DENND5B: variants seen among roughly 807,000 people sequenced by gnomAD.
DENND5B encodes the protein DENN domain-containing protein 5B.
Under a neutral mutation model 140.6 loss-of-function variants are expected in DENND5B, and 34 were observed. The observed-to-expected ratio is 0.24, with a 90% confidence interval of 0.18 to 0.32. The LOEUF (loss-of-function observed/expected upper bound fraction) is 0.32. DENND5B is among the 10% of genes least tolerant of loss of function. The pLI is 1.00. For synonymous variants in DENND5B, 551 were observed against 562.1 expected (o/e 0.98, Z 0.28); for missense variants, 1,142 against 1,560.2 (o/e 0.73, Z 4.52).
At chr12:31,460,829 G>A (rs1284228468) in intron 3 of DENND5B, among the ~76,000 whole-genome samples, 1 of 151,744 alleles carries the variant, frequency 6.6e-6, no homozygotes, top group African/African-American at 2.4e-5. Flanking sequence ...GGATTCAAGC[G>A]ATTCTCCTGC....
chr12:31,435,761 A>G (rs1943722578), intron 7 of DENND5B, among the ~76,000 whole-genome samples: 1 of 152,016 alleles, frequency 6.6e-6, no homozygotes, highest in East Asian at 1.9e-4. Flanking sequence ...CCTGGGTTCA[A>G]GTGATTCTCC....
chr12:31,397,439 T>C (rs952918742), intron 17 of DENND5B, among the ~76,000 whole-genome samples: 2 of 145,422 alleles, frequency 1.4e-5, no homozygotes, highest in Non-Finnish European at 3.0e-5. Context: ...TCCCAGCTAC[T>C]TGGGAGGCTG....
intron 1 of DENND5B, among the ~76,000 whole-genome samples, chr12:31,571,721 G>A (rs543562466): frequency 3.3e-5 from 5 of 152,146 alleles, no homozygotes; most frequent in South Asian, 2.1e-4. Flanking sequence ...GGGCTCAAGC[G>A]ATTCTCCTGC....
At chr12:31,531,918 CAG>C (rs780794397) in intron 1 of DENND5B, among the ~76,000 whole-genome samples, 1 of 152,110 alleles carries the variant, frequency 6.6e-6, no homozygotes, top group Non-Finnish European at 1.5e-5. Flanking sequence ...CCAGACCTTA[CAG>C]AGAATTACTT....
intron 1 of DENND5B, among the ~76,000 whole-genome samples, chr12:31,522,663 C>T (rs1565661506): frequency 6.6e-6 from 1 of 152,076 alleles, no homozygotes; most frequent in Admixed American, 6.6e-5. Context: ...CGGCTGGTCT[C>T]GTTACTTGTG....
Position 31,590,953 on chromosome 12 carries a change from A to T in DENND5B, c.-121T>A. 9.5e-7 allele frequency: 1 copy of T among 1,056,604 alleles called. No homozygotes were observed. Among genetic ancestry groups the T allele is most frequent in the Non-Finnish European group, 1.2e-6 (1 of 865,116 alleles). The allele number at this position is 1,056,604 out of a possible 1,614,324, so 65.5% of individuals were successfully genotyped here. A position where few individuals can be genotyped will look rare whatever the true frequency, so the allele number is the denominator to read the frequency against. On this transcript the variant is annotated 5_prime_UTR_variant, in exon 1 of 21. It removes an upstream start codon present in the reference 5' UTR. Transcript: ENST00000389082. The stretch of plus-strand genomic sequence containing the variant: ...GCCCTAGGGCGACACTGGCGCGCCC[A>T]TGGCCGCGCAGCCGCCTCTCGCCGC...
chr12:31,549,566 G>T (rs1948970214), intron 1 of DENND5B, among the ~76,000 whole-genome samples: 1 of 150,982 alleles, frequency 6.6e-6, no homozygotes, highest in African/African-American at 2.4e-5. Flanking sequence ...AAGTTCCAGG[G>T]TACAGGTGCA....
Position 31,424,937 on chromosome 12 carries a change from C to T in DENND5B, c.2239-250G>A, listed in dbSNP as rs1593130501. ...ATAAGATAATATTTGTAAGGCATCC[C>T]CATGTTGAAAAGATGCTTATATACA... On this transcript the variant is annotated intron_variant, in intron 9 of 20. Transcript: ENST00000389082. Among the ~76,000 whole-genome samples the T allele has an allele frequency of 2.6e-5, 4 of 152,210 alleles. No homozygotes were observed. The South Asian group carries it at 6.2e-4, about 24-fold the overall frequency.
At chr12:31,519,981 A>G (rs1231944237) in intron 1 of DENND5B, among the ~76,000 whole-genome samples, 1 of 152,112 alleles carries the variant, frequency 6.6e-6, no homozygotes, top group Non-Finnish European at 1.5e-5. Flanking sequence ...CCTGTTTGCT[A>G]GGTGTGTTTG....
At chr12:31,479,164 C>CCCTT (rs1232380027) in intron 3 of DENND5B, among the ~76,000 whole-genome samples, 1 of 152,182 alleles carries the variant, frequency 6.6e-6, no homozygotes, top group Non-Finnish European at 1.5e-5. Flanking sequence ...TTTCATTTAT[C>CCCTT]CCTTTTCAAT....
chr12:31,521,749 T>G (rs1415537702), intron 1 of DENND5B, among the ~76,000 whole-genome samples: 4 of 152,164 alleles, frequency 2.6e-5, no homozygotes, highest in Non-Finnish European at 4.4e-5. Context: ...CCTGTAATGC[T>G]AAGTTCCGTT....
At chr12:31,571,558 G>A (rs542135408) in intron 1 of DENND5B, among the ~76,000 whole-genome samples, 2 of 151,134 alleles carry the variant, frequency 1.3e-5, no homozygotes, top group African/African-American at 2.4e-5. Context: ...ACCTGAATTA[G>A]AAAACTCCAT....
intron 2 of DENND5B, among the ~76,000 whole-genome samples, chr12:31,492,711 T>C (rs1052688852): frequency 2.0e-5 from 3 of 152,258 alleles, no homozygotes; most frequent in East Asian, 1.9e-4. Flanking sequence ...TCTATTAATT[T>C]GCTGCATAAG....
At chr12:31,475,121 A>G (rs1233205298) in intron 3 of DENND5B, among the ~76,000 whole-genome samples, 3 of 152,160 alleles carry the variant, frequency 2.0e-5, no homozygotes, top group Non-Finnish European at 2.9e-5. Context: ...TCAACAAAAA[A>G]TGCACAACAG....
intron 15 of DENND5B, among the ~76,000 whole-genome samples, chr12:31,401,754 C>T (rs1188193721): frequency 1.3e-5 from 2 of 152,048 alleles, no homozygotes; most frequent in Non-Finnish European, 2.9e-5. Flanking sequence ...TTGCAAGTAC[C>T]CAGACTACAG....
At chr12:31,420,932 T>C (rs1942991599) in intron 11 of DENND5B, among the ~76,000 whole-genome samples, 2 of 152,206 alleles carry the variant, frequency 1.3e-5, no homozygotes, top group African/African-American at 4.8e-5. Context: ...TCTGCAACTC[T>C]TAAAATGTCT....
intron 1 of DENND5B, among the ~76,000 whole-genome samples, chr12:31,562,562 C>G (rs1365401848): frequency 6.6e-6 from 1 of 151,620 alleles, no homozygotes; most frequent in African/African-American, 2.4e-5. Context: ...TGCGGTGAGC[C>G]GAGATCGCAC....
intron 3 of DENND5B, among the ~76,000 whole-genome samples, chr12:31,461,787 G>T (rs2617192): frequency 6.6e-6 from 1 of 152,046 alleles, no homozygotes; most frequent in Non-Finnish European, 1.5e-5. Context: ...TTGTGGGCTT[G>T]TAATAATCCT....
At chr12:31,432,880 G>C (rs1331217020) in intron 8 of DENND5B, 1 of 344,002 alleles carries the variant, frequency 2.9e-6, no homozygotes, top group Non-Finnish European at 5.3e-6. Flanking sequence ...AGGAGACATA[G>C]TAACTAAAAA....
Sources: gnomAD v4.1 joint callset for allele counts (sites outside exome capture counted in the v4.1 genomes callset) on GRCh38, gnomAD v4.1.1 for gene constraint, MANE v1.5 for transcripts, NCBI Gene and HGNC (gene_info 2026-07-23, HGNC 2026-07-21) for gene names.